The following AFF3 variants were observed in gnomAD, a reference collection of about 807,000 sequenced individuals.
AFF3 encodes ALF transcription elongation factor 3.
AFF3 carries 32 observed loss-of-function variants against 129.7 expected under a neutral mutation model. That is an observed-to-expected ratio of 0.25 (90% CI 0.19 to 0.33). The LOEUF (loss-of-function observed/expected upper bound fraction) is 0.33, where lower values mean the gene tolerates loss of function less well. Among genes scored for constraint, AFF3 ranks in the 10% least tolerant of loss-of-function variants. The pLI is 1.00. For synonymous variants in AFF3, 644 were observed against 635.4 expected, an observed-to-expected ratio of 1.01 and a Z score of -0.20; for missense variants, 1,373 against 1,592.0, an observed-to-expected ratio of 0.86 and a Z score of 2.34.
intron 7 of AFF3, among the ~76,000 whole-genome samples, chr2:99,891,208 C>T (rs1576288774): frequency 6.6e-6 from 1 of 152,010 alleles, no homozygotes; most frequent in East Asian, 1.9e-4. Context: ...CAGAGGCTGT[C>T]CTGAGTTATC....
At chr2:99,804,608 T>A (rs948650738) in intron 8 of AFF3, among the ~76,000 whole-genome samples, 1 of 152,158 alleles carries the variant, frequency 6.6e-6, no homozygotes, top group Admixed American at 6.5e-5. Context: ...GGAAAATAAG[T>A]CACTATGTTA....
intron 13 of AFF3, among the ~76,000 whole-genome samples, chr2:99,640,972 T>C (rs968710308): frequency 1.3e-5 from 2 of 152,212 alleles, no homozygotes; most frequent in African/African-American, 2.4e-5. Flanking sequence ...GTTCTTGCAC[T>C]GGCAGCTGTC....
intron 9 of AFF3, among the ~76,000 whole-genome samples, chr2:99,750,598 G>A (rs1487303367): frequency 6.6e-6 from 1 of 151,618 alleles, no homozygotes; most frequent in Non-Finnish European, 1.5e-5. Flanking sequence ...TCATATTTTT[G>A]TTGAGATGGT....
chr2:99,752,448 G>A (rs776474631), intron 8 of AFF3, 147 bp from the exon 9 acceptor site: 14 of 632,884 alleles, frequency 2.2e-5, no homozygotes, highest in Non-Finnish European at 3.2e-5. Flanking sequence ...AAAAAAAGAT[G>A]TGAAATCCAC....
At chr2:99,787,569 C>T (rs570253869) in intron 8 of AFF3, among the ~76,000 whole-genome samples, 5 of 152,198 alleles carry the variant, frequency 3.3e-5, no homozygotes, top group Non-Finnish European at 7.3e-5. Flanking sequence ...AGAAACAAAT[C>T]ATTTAGTCAC....
At chr2:99,573,056 G>T (rs1174596409) in intron 18 of AFF3, among the ~76,000 whole-genome samples, 1 of 152,226 alleles carries the variant, frequency 6.6e-6, no homozygotes, top group South Asian at 2.1e-4. Flanking sequence ...CAGGCTAAGT[G>T]GGGCGGGTGT....
intron 7 of AFF3, among the ~76,000 whole-genome samples, chr2:99,902,534 C>T (rs1254809048): frequency 6.6e-6 from 1 of 152,134 alleles, no homozygotes; most frequent in Non-Finnish European, 1.5e-5. Context: ...CCTCATTTTA[C>T]ATGATAGGCA....
At chr2:99,599,121 G>T (rs539155761) in intron 14 of AFF3, among the ~76,000 whole-genome samples, 28 of 152,294 alleles carry the variant, frequency 1.8e-4, no homozygotes, top group African/African-American at 6.0e-4. Context: ...TCTCCTTAGC[G>T]AGGGGCCTCT....
intron 7 of AFF3, among the ~76,000 whole-genome samples, chr2:99,948,754 C>T (rs1018539284): frequency 1.3e-5 from 2 of 152,074 alleles, no homozygotes; most frequent in African/African-American, 4.8e-5. Context: ...GAATTAAAAC[C>T]AGTCTCAAAA....
At chr2:99,647,896 A>G (rs1684836002) in intron 13 of AFF3, among the ~76,000 whole-genome samples, 1 of 152,156 alleles carries the variant, frequency 6.6e-6, no homozygotes. Flanking sequence ...ATTTTTTGTG[A>G]AAATATCAGA....
At chr2:100,068,473 C>T (rs575143479) in intron 4 of AFF3, among the ~76,000 whole-genome samples, 29 of 152,164 alleles carry the variant, frequency 1.9e-4, no homozygotes, top group Admixed American at 1.1e-3. Context: ...GAACTTGGCG[C>T]CTGACACAAT....
intron 7 of AFF3, among the ~76,000 whole-genome samples, chr2:99,970,311 T>C (rs1678231045): frequency 6.6e-6 from 1 of 151,980 alleles, no homozygotes; most frequent in South Asian, 2.1e-4. Flanking sequence ...TGACCATCCT[T>C]TCTCCCCTTC....
At chr2:99,970,297 C>T (rs932932118) in intron 7 of AFF3, among the ~76,000 whole-genome samples, 1 of 152,150 alleles carries the variant, frequency 6.6e-6, no homozygotes, top group African/African-American at 2.4e-5. Flanking sequence ...CTGACCCTCT[C>T]CCCTGACCAT....
At chr2:100,095,302 T>C (rs1052870256) in intron 4 of AFF3, among the ~76,000 whole-genome samples, 23 of 152,172 alleles carry the variant, frequency 1.5e-4, no homozygotes, top group Non-Finnish European at 1.5e-5. Flanking sequence ...GGGCAACTGT[T>C]TTCCTCTCTC....
rs1196739621 is a variant in AFF3 at position 100,106,457 on chromosome 2, C to A, written c.-144-874G>T. On this transcript the variant is annotated intron_variant, in intron 2 of 24. Coordinates refer to ENST00000672756, the MANE Select transcript of AFF3 (RefSeq NM_001386135.1). Reference sequence around the variant, plus strand: ...AAAAGAAAAAAAAGAAAAAGAAAATCTGTCTTTCTAATATCCCCTTAGCAT... The same window carrying A: ...AAAAGAAAAAAAAGAAAAAGAAAATATGTCTTTCTAATATCCCCTTAGCAT... 3 of 1,026,514 alleles carry A rather than the reference C, an allele frequency of 2.9e-6. No individual in the cohort carries two copies. In the African/African-American group the frequency reaches 5.2e-5, roughly 18 times the overall value. 63.6% of individuals were successfully genotyped at this position (1,026,514 alleles called of 1,614,324 possible). A position where few individuals can be genotyped will look rare whatever the true frequency, so the allele number is the denominator to read the frequency against.
chr2:99,979,359 A>G (rs993770156), intron 7 of AFF3, among the ~76,000 whole-genome samples: 2 of 152,202 alleles, frequency 1.3e-5, no homozygotes. Flanking sequence ...AGCTCAGAAC[A>G]GCTATGGCTC....
At chr2:100,016,333 G>A (rs1384857794) in intron 4 of AFF3, among the ~76,000 whole-genome samples, 1 of 150,998 alleles carries the variant, frequency 6.6e-6, no homozygotes, top group Non-Finnish European at 1.5e-5. Context: ...GAACATGTTA[G>A]TGGTAGTGAT....
At chr2:99,876,324 C>G (rs567026508) in intron 7 of AFF3, among the ~76,000 whole-genome samples, 3 of 152,338 alleles carry the variant, frequency 2.0e-5, no homozygotes, top group African/African-American at 7.2e-5. Context: ...ATGTCTCAAG[C>G]TGAACTCTTG....
Position 99,716,891 on chromosome 2 carries a change from A to AAT in AFF3, c.1091+10184_1091+10185dup, listed in dbSNP as rs886767074. On this transcript the variant is annotated intron_variant, in intron 11 of 24. Coordinates refer to ENST00000672756, the MANE Select transcript of AFF3 (RefSeq NM_001386135.1). ...GAGTGAGACTCCGTCTCAAAAAAAA[A>AAT]ATATATATATATATATCCCATCATG... Among the ~76,000 whole-genome samples the AAT allele has an allele frequency of 3.1e-4, 27 of 87,404 alleles. 1 individual carries two copies. In the East Asian group the frequency reaches 5.0e-3, roughly 16 times the overall value. 57.3% of individuals were successfully genotyped at this position (87,404 alleles called of 152,430 possible). A position where few individuals can be genotyped will look rare whatever the true frequency, so the allele number is the denominator to read the frequency against.
Sources: allele counts gnomAD v4.1 joint callset (sites outside exome capture counted in the v4.1 genomes callset), GRCh38; gene constraint gnomAD v4.1.1; transcripts MANE v1.5; gene names NCBI Gene and HGNC (gene_info 2026-07-23, HGNC 2026-07-21).